Variants in TRIQK observed in about 807,000 individuals in gnomAD.
TRIQK encodes triple QxxK/R motif-containing protein.
A neutral mutation model predicts 10.8 loss-of-function variants in TRIQK; 10 were observed. The observed-to-expected ratio is 0.92, with a 90% CI of 0.57 to 1.57. TRIQK has a LOEUF of 1.57. TRIQK is among the 40% of genes most tolerant of loss of function. The pLI is 0.00. For missense variants in TRIQK, 107 were observed against 97.7 expected (o/e 1.09, Z -0.40); for synonymous variants, 33 against 33.7 (o/e 0.98, Z 0.07).
chr8:92,952,313 G>T (rs994449028), intron 2 of TRIQK, among the ~76,000 whole-genome samples: 9 of 151,916 alleles, frequency 5.9e-5, no homozygotes, highest in African/African-American at 2.2e-4. Flanking sequence ...CAGAAATGAA[G>T]AGTGCCTTTG....
At chr8:92,967,113 T>A (rs1257716970), upstream of TRIQK, among the ~76,000 whole-genome samples, 2 of 152,064 alleles carry the variant, frequency 1.3e-5, no homozygotes, top group Admixed American at 6.6e-5. Flanking sequence ...CCTAAATCAT[T>A]TTCTGGTCTC....
chr8:92,971,409 C>T (rs1812876525), intron 1 of TRIQK, among the ~76,000 whole-genome samples: 3 of 152,040 alleles, frequency 2.0e-5, no homozygotes, highest in Non-Finnish European at 4.4e-5. Context: ...TTGTCTCAGC[C>T]CAAAAGCTTC....
chr8:92,949,394 T>A (rs756215194), intron 2 of TRIQK, among the ~76,000 whole-genome samples: 19 of 152,236 alleles, frequency 1.2e-4, no homozygotes, highest in East Asian at 3.9e-4. Flanking sequence ...GTTGTAATGG[T>A]TAAATTAAAT....
chr8:92,885,150 G>A lies in TRIQK; in HGVS notation c.*1472C>T. The A allele has an allele frequency of 2.6e-6, 1 of 384,118 alleles. No individual in the cohort carries two copies. The highest frequency in any genetic ancestry group is 5.2e-6 in the Non-Finnish European group (1 of 190,858). 23.8% of individuals were successfully genotyped at this position (384,118 alleles called of 1,614,324 possible). A position where few individuals can be genotyped will look rare whatever the true frequency, so the allele number is the denominator to read the frequency against. ...GGCATAAATGATTTGTGAGGATATTGGAACCTTTGGCTGTTTTCACACCAA... is the reference window on the plus strand; with the variant it reads ...GGCATAAATGATTTGTGAGGATATTAGAACCTTTGGCTGTTTTCACACCAA... On this transcript the variant is annotated 3_prime_UTR_variant, in exon 5 of 5. Transcript: ENST00000521988.
intron 1 of TRIQK, among the ~76,000 whole-genome samples, chr8:92,957,242 A>G (rs1812214848): frequency 6.6e-6 from 1 of 151,866 alleles, no homozygotes; most frequent in Non-Finnish European, 1.5e-5. Context: ...ATAACCATAT[A>G]TACATATATG....
At position 93,016,774 on chromosome 8, in the gene TRIQK, G is replaced by A. The variant is rs374279295; in HGVS notation, c.-181+835C>T. ...GTGGAGGGAGGTATTCCCGACAGAG[G>A]CAGCAGCAGGTGCGAAGCCTCAGAG... On this transcript the variant is annotated intron_variant, in intron 1 of 4. Coordinates refer to the TRIQK transcript ENST00000520686. Among the ~76,000 whole-genome samples, 8 of 152,244 alleles carry A rather than the reference G, an allele frequency of 5.3e-5. No individual in the cohort carries two copies. In the South Asian group the frequency reaches 8.3e-4, roughly 16 times the overall value.
At chr8:92,891,876 T>C in intron 4 of TRIQK, 113 bp downstream of exon 4, 1 of 740,700 alleles carries the variant, frequency 1.4e-6, no homozygotes, top group South Asian at 2.1e-5. Flanking sequence ...GGCATTCTAT[T>C]TAGATTGTGA....
chr8:93,005,767 T>C (rs1373311248), intron 1 of TRIQK, among the ~76,000 whole-genome samples: 1 of 152,112 alleles, frequency 6.6e-6, no homozygotes, highest in Non-Finnish European at 1.5e-5. Flanking sequence ...AAGTGGTTTT[T>C]CACACTTCTA....
At chr8:92,943,255 A>G (rs894784887) in intron 2 of TRIQK, among the ~76,000 whole-genome samples, 3 of 152,210 alleles carry the variant, frequency 2.0e-5, no homozygotes, top group African/African-American at 7.2e-5. Context: ...ACTCAAAATC[A>G]TCTACAGATT....
At position 92,892,059 on chromosome 8, in the gene TRIQK, T is replaced by A. The variant is rs1334013158; in HGVS notation, c.77A>T (p.Lys26Ile). The A allele has an allele frequency of 1.3e-6, 2 of 1,529,940 alleles. No individual in the cohort carries two copies. Among genetic ancestry groups the A allele is most frequent in the Admixed American group, 3.9e-5 (2 of 50,794 alleles). 94.8% of individuals were successfully genotyped at this position (1,529,940 alleles called of 1,614,324 possible). ...YRKQIGKQDY[K>I]KTKPILRATK... ...TGCTCGTAAAATAGGTTTAGTTTTT[T>A]TATAATCCTGTTTACCTAGAAAGAA... Residue 26 changes from lysine (K) to isoleucine (I), a missense_variant, in exon 4 of 5, where the codon AAA becomes ATA. Physicochemically the swap from Lys to Ile is moderately radical, Grantham distance 102. Coordinates refer to ENST00000521988, the MANE Select transcript of TRIQK (RefSeq NM_001171797.2).
intron 2 of TRIQK, among the ~76,000 whole-genome samples, chr8:92,931,743 G>A (rs553929378): frequency 6.6e-6 from 1 of 152,188 alleles, no homozygotes; most frequent in Admixed American, 6.5e-5. Context: ...GAGAGTCAAA[G>A]AGGGCCCCAT....
chr8:92,961,547 C>A (rs1338511143), intron 1 of TRIQK, among the ~76,000 whole-genome samples: 1 of 152,116 alleles, frequency 6.6e-6, no homozygotes, highest in Non-Finnish European at 1.5e-5. Context: ...TATTAATACC[C>A]AACAAAGGAT....
intron 1 of TRIQK, among the ~76,000 whole-genome samples, chr8:92,986,477 A>C (rs1218416538): frequency 2.0e-5 from 3 of 152,198 alleles, no homozygotes; most frequent in Non-Finnish European, 4.4e-5. Flanking sequence ...TTTTTCATCA[A>C]ATCTTTAGCT....
At chr8:93,000,850 G>A (rs1813203073) in intron 1 of TRIQK, among the ~76,000 whole-genome samples, 1 of 138,136 alleles carries the variant, frequency 7.2e-6, no homozygotes, top group Non-Finnish European at 1.5e-5. Context: ...TCAAAACATA[G>A]CACTACAGAA....
chr8:92,932,713 T>C (rs950034571), intron 2 of TRIQK, among the ~76,000 whole-genome samples: 1 of 152,204 alleles, frequency 6.6e-6, no homozygotes, highest in Non-Finnish European at 1.5e-5. Context: ...TCCTACTTTA[T>C]TAAAAAGCAT....
At chr8:92,988,810 T>G (rs935653865) in intron 1 of TRIQK, among the ~76,000 whole-genome samples, 1 of 152,188 alleles carries the variant, frequency 6.6e-6, no homozygotes, top group Non-Finnish European at 1.5e-5. Flanking sequence ...TTATATCTTA[T>G]TTAACTTCTC....
rs895091394 is a variant in TRIQK at position 92,884,990 on chromosome 8, C to A, written c.*1632G>T. On this transcript the variant is annotated 3_prime_UTR_variant, in exon 5 of 5. Coordinates refer to ENST00000521988, the MANE Select transcript of TRIQK (RefSeq NM_001171797.2). ...TACCACATGGCATTAAATGCTGCAA[C>A]CTTTCCTAAAAATGCCACTTGGATT... 5 of 455,946 alleles carry A rather than the reference C, an allele frequency of 1.1e-5. No individual in the cohort carries two copies. Among genetic ancestry groups the A allele is most frequent in the African/African-American group, 1.0e-4 (5 of 49,930 alleles). 28.2% of individuals were successfully genotyped at this position (455,946 alleles called of 1,614,324 possible).
At chr8:92,995,545 A>AT (rs1024055844) in intron 1 of TRIQK, among the ~76,000 whole-genome samples, 29 of 150,694 alleles carry the variant, frequency 1.9e-4, no homozygotes, top group African/African-American at 6.1e-4. Flanking sequence ...CATTTATCTT[A>AT]TTTTTTTTCA....
intron 2 of TRIQK, among the ~76,000 whole-genome samples, chr8:92,947,587 G>GGA (rs749231267): frequency 6.5e-5 from 4 of 61,442 alleles, no homozygotes; most frequent in Non-Finnish European, 1.2e-4. Flanking sequence ...TCCGCCTCAG[G>GGA]AAAAAAAAAA....
Sources: gnomAD v4.1 joint callset for allele counts (sites outside exome capture counted in the v4.1 genomes callset) on GRCh38, gnomAD v4.1.1 for gene constraint, MANE v1.5 for transcripts, NCBI Gene and HGNC (gene_info 2026-07-23, HGNC 2026-07-21) for gene names.